The following KDM1A variants were observed in gnomAD, a reference collection of about 807,000 sequenced individuals.
The protein encoded by KDM1A is lysine-specific histone demethylase 1A.
In KDM1A, 49 loss-of-function variants were observed where a neutral mutation model predicts 109.4. The ratio of observed to expected loss-of-function variants is 0.45; its 90% CI spans 0.36 to 0.57. The LOEUF (loss-of-function observed/expected upper bound fraction) is 0.57. KDM1A is among the 20% of genes least tolerant of loss of function. The pLI, the probability that KDM1A is intolerant of heterozygous loss-of-function variation, is 0.00. For synonymous variants in KDM1A, 380 were observed against 415.4 expected, an observed-to-expected ratio of 0.91 and a Z score of 1.04; for missense variants, 668 against 1,116.6, an observed-to-expected ratio of 0.60 and a Z score of 5.73.
chr1:23,083,121 G>A, intron 20 of KDM1A, 58 bp from the exon 21 acceptor site: 1 of 1,483,670 alleles, frequency 6.7e-7, no homozygotes. Flanking sequence ...AGCAATTTAA[G>A]TACAAGAATA....
intron 16 of KDM1A, among the ~76,000 whole-genome samples, chr1:23,078,324 A>G (rs1569820349): frequency 6.6e-6 from 1 of 152,342 alleles, no homozygotes. Context: ...CTGCAGCCAT[A>G]GAAAATGAGC....
Position 23,079,284 on chromosome 1 carries a change from C to A in KDM1A, c.2055+107C>A. The A allele has an allele frequency of 8.7e-7, 1 of 1,154,586 alleles. No homozygotes were observed. The highest frequency in any genetic ancestry group is 1.2e-6 in the Non-Finnish European group (1 of 806,242). The allele number at this position is 1,154,586 out of a possible 1,614,324, so 71.5% of individuals were successfully genotyped here. A position where few individuals can be genotyped will look rare whatever the true frequency, so the allele number is the denominator to read the frequency against. On this transcript the variant is annotated intron_variant, in intron 17 of 20. Coordinates refer to ENST00000400181, the MANE Select transcript of KDM1A (RefSeq NM_001009999.3). The surrounding 1 kb of genome is among the most constrained non-coding windows in gnomAD (Gnocchi z 5.6). Reference sequence around the variant, plus strand: ...TTGCATTTTTGGGCATTTGGCTATGCTCCCAATTGTGACATCAGGGCTGAG... The same window carrying A: ...TTGCATTTTTGGGCATTTGGCTATGATCCCAATTGTGACATCAGGGCTGAG...
At chr1:23,063,435 C>T (rs1029889798) in intron 9 of KDM1A, among the ~76,000 whole-genome samples, 8 of 152,038 alleles carry the variant, frequency 5.3e-5, no homozygotes, top group Non-Finnish European at 8.8e-5. Context: ...GTAACTTTGC[C>T]GGTTTTCATT....
chr1:23,023,091 T>C (rs1299563398), intron 1 of KDM1A, among the ~76,000 whole-genome samples: 1 of 152,200 alleles, frequency 6.6e-6, no homozygotes, highest in Non-Finnish European at 1.5e-5. Flanking sequence ...TTTTCATGTG[T>C]TTATTAGCCA....
chr1:23,055,773 ATTTATTT>A (rs1211953429), intron 6 of KDM1A, among the ~76,000 whole-genome samples, 152 bp from the exon 7 acceptor site: 1 of 152,218 alleles, frequency 6.6e-6, no homozygotes, highest in Admixed American at 6.5e-5. Flanking sequence ...ATATTTGTTA[ATTTATTT>A]TCAGGTAGTT....
In KDM1A at chr1:23,053,841, T is replaced by A; in HGVS notation, c.790+2T>A. 6.5e-7 allele frequency: 1 copy of A among 1,544,252 alleles called. No individual in the cohort carries two copies. The highest frequency in any genetic ancestry group is 9.0e-7 in the Non-Finnish European group (1 of 1,116,520). On this transcript the variant is annotated splice_donor_variant, in intron 5 of 20. Coordinates refer to ENST00000400181, the MANE Select transcript of KDM1A (RefSeq NM_001009999.3). LOFTEE classifies it high-confidence loss of function. Reference sequence around the variant, plus strand: ...AACAATTAGAAGCACCTTATAACAGTAAGTAGTGTGTTCAATAGGACTAAT... The same window carrying A: ...AACAATTAGAAGCACCTTATAACAGAAAGTAGTGTGTTCAATAGGACTAAT...
intron 2 of KDM1A, among the ~76,000 whole-genome samples, chr1:23,039,602 C>T (rs1340453081): frequency 6.6e-6 from 1 of 152,224 alleles, no homozygotes; most frequent in South Asian, 2.1e-4. Context: ...CTTGATCTCC[C>T]ACTGCTTTTT....
At chr1:23,040,606 C>T (rs1296598644) in intron 2 of KDM1A, among the ~76,000 whole-genome samples, 12 of 149,130 alleles carry the variant, frequency 8.0e-5, no homozygotes, top group African/African-American at 2.2e-4. Flanking sequence ...GGCAACATAT[C>T]GAGAACTCGT....
intron 11 of KDM1A, 100 bp from the exon 12 acceptor site, chr1:23,068,961 G>A (rs1643229917): frequency 1.3e-6 from 1 of 770,210 alleles, no homozygotes; most frequent in Non-Finnish European, 2.1e-6. Flanking sequence ...AGTATCAGAA[G>A]TTTCAGTGGG....
intron 2 of KDM1A, among the ~76,000 whole-genome samples, chr1:23,036,458 C>G (rs1292390216): frequency 6.6e-6 from 1 of 150,718 alleles, no homozygotes; most frequent in Non-Finnish European, 1.5e-5. Context: ...CCCCCCTCCC[C>G]CGCCCCCTCA....
chr1:23,048,243 GGTTTT>G (rs1351763998), intron 3 of KDM1A, among the ~76,000 whole-genome samples: 1 of 151,860 alleles, frequency 6.6e-6, no homozygotes, highest in Non-Finnish European at 1.5e-5. Flanking sequence ...TAGTCTTGGT[GGTTTT>G]GTTTTGTTTT....
intron 9 of KDM1A, among the ~76,000 whole-genome samples, chr1:23,063,231 G>GGTGTGTGT (rs755287896): frequency 6.8e-5 from 2 of 29,538 alleles, no homozygotes; most frequent in South Asian, 7.2e-4. Flanking sequence ...GGTGTGTGTG[G>GGTGTGTGT]GTGTGTGTGT....
intron 2 of KDM1A, among the ~76,000 whole-genome samples, chr1:23,041,798 T>G (rs950764356): frequency 2.0e-5 from 3 of 152,110 alleles, no homozygotes; most frequent in Non-Finnish European, 4.4e-5. Flanking sequence ...TAAAAATCTT[T>G]GCAGGGTATT....
At chr1:23,083,079 C>A in intron 20 of KDM1A, 100 bp from the exon 21 acceptor site, 2 of 1,131,428 alleles carry the variant, frequency 1.8e-6, no homozygotes, top group South Asian at 1.5e-5. Context: ...GGGGGTCAGC[C>A]TTTAAAAAGG....
chr1:23,032,728 A>G (rs1642025616), intron 2 of KDM1A, among the ~76,000 whole-genome samples: 1 of 152,188 alleles, frequency 6.6e-6, no homozygotes, highest in Non-Finnish European at 1.5e-5. Flanking sequence ...GTAGTTTAGC[A>G]ATAGATTGGA....
Position 23,072,210 on chromosome 1 carries a change from A to G in KDM1A, c.1622+13A>G, listed in dbSNP as rs747945039. ...CGAATCCCCCAAGGTAAGGAAAACA[A>G]ACACAAAAGTTCAGAGGGAGAGCTT... is the stretch of plus-strand genomic sequence containing the variant. On this transcript the variant is annotated intron_variant, in intron 14 of 20. Coordinates refer to ENST00000400181, the MANE Select transcript of KDM1A (RefSeq NM_001009999.3). The G allele has an allele frequency of 8.8e-6, 14 of 1,595,588 alleles. No homozygotes were observed. Among genetic ancestry groups the G allele is most frequent in the Non-Finnish European group, 1.2e-5 (14 of 1,165,534 alleles).
intron 12 of KDM1A, among the ~76,000 whole-genome samples, 156 bp downstream of exon 12, chr1:23,069,307 A>T (rs1434492205): frequency 6.6e-6 from 1 of 152,174 alleles, no homozygotes; most frequent in African/African-American, 2.4e-5. Context: ...AACGAAAGAG[A>T]CTGTTTTATC....
chr1:23,075,047 T>G (rs1643422923), intron 15 of KDM1A, among the ~76,000 whole-genome samples: 1 of 152,210 alleles, frequency 6.6e-6, no homozygotes, highest in African/African-American at 2.4e-5. Flanking sequence ...TGATTAGGAG[T>G]GCATTAAATT....
chr1:23,059,246 C>A, intron 9 of KDM1A, 79 bp downstream of exon 9: 1 of 932,550 alleles, frequency 1.1e-6, no homozygotes, highest in Non-Finnish European at 1.8e-6. Context: ...TATGGATGAG[C>A]ATATACATAT....
Sources: gnomAD v4.1 joint callset for allele counts (sites outside exome capture counted in the v4.1 genomes callset) on GRCh38, gnomAD v4.1.1 for gene constraint, Gnocchi (gnomAD v3.1) non-coding constraint, MANE v1.5 for transcripts, NCBI Gene and HGNC (gene_info 2026-07-23, HGNC 2026-07-21) for gene names.